SPATA6L: variants seen among roughly 807,000 people sequenced by gnomAD.
The protein encoded by SPATA6L is spermatogenesis associated 6 like, also known as spermatogenesis associated 6-like protein.
In SPATA6L, 68 loss-of-function variants were observed where a neutral mutation model predicts 49.2. The ratio of observed to expected loss-of-function variants is 1.38; its 90% CI spans 1.14 to 1.69. SPATA6L has a LOEUF of 1.69. Ranked by LOEUF, SPATA6L falls within the 40% of genes most tolerant of loss-of-function variation. The pLI, the probability that SPATA6L is intolerant of heterozygous loss-of-function variation, is 0.00. For synonymous variants in SPATA6L, 198 were observed against 165.7 expected (o/e 1.19, Z -1.50); for missense variants, 668 against 464.3 (o/e 1.44, Z -4.03).
In SPATA6L at chr9:4,656,053, C is replaced by G. The variant is rs1409997091; in HGVS notation, c.214G>C (p.Asp72His). The change falls in exon 3 of 12, where the codon GAC becomes CAC. Residue 72 changes from aspartate (D) to histidine (H), a missense_variant. Physicochemically the swap from Asp to His is moderately conservative, Grantham distance 81. Coordinates refer to ENST00000682582, the MANE Select transcript of SPATA6L (RefSeq NM_001353486.2). ...ESAVDPGAVV[D>H]LLEMWDELAY... The stretch of plus-strand genomic sequence containing the variant: ...TCAGAGTACCTACTTTCCAAAAGGT[C>G]TACTACAGCTCCAGGATCTACTGCA... 1 of 1,612,632 alleles carries G rather than the reference C, an allele frequency of 6.2e-7. No homozygotes were observed. The highest frequency in any genetic ancestry group is 1.1e-5 in the South Asian group (1 of 90,826).
chr9:4,638,650 C>G (rs1217633141), intron 3 of SPATA6L, among the ~76,000 whole-genome samples: 1 of 152,192 alleles, frequency 6.6e-6, no homozygotes, highest in South Asian at 2.1e-4. Context: ...CAGACTCTGC[C>G]TCCATCCAGA....
intron 3 of SPATA6L, among the ~76,000 whole-genome samples, chr9:4,654,297 G>A (rs7864427): frequency 1.3e-5 from 2 of 152,166 alleles, no homozygotes; most frequent in African/African-American, 4.8e-5. Flanking sequence ...AAGCTCCTTT[G>A]TCCCCCTCTC....
At chr9:4,595,436 T>C (rs892408409), downstream of SPATA6L, among the ~76,000 whole-genome samples, 5 of 152,136 alleles carry the variant, frequency 3.3e-5, 1 homozygote, top group South Asian at 1.0e-3. Flanking sequence ...TCCCAAACCA[T>C]CCTGCACAAG....
chr9:4,616,609 G>A (rs970510875), intron 9 of SPATA6L, among the ~76,000 whole-genome samples: 2 of 152,144 alleles, frequency 1.3e-5, no homozygotes, highest in Admixed American at 1.3e-4. Flanking sequence ...GTTTTAAACG[G>A]AATTGCGCTC....
At chr9:4,613,227 CA>C (rs910846150) in intron 9 of SPATA6L, among the ~76,000 whole-genome samples, 229 of 129,344 alleles carry the variant, frequency 1.8e-3, no homozygotes, top group Admixed American at 1.5e-3. Flanking sequence ...GATTCTATCT[CA>C]AAAAAAAAAA....
chr9:4,627,621 C>G (rs1830590825), intron 5 of SPATA6L: 1 of 623,730 alleles, frequency 1.6e-6, no homozygotes, highest in Non-Finnish European at 2.4e-6. Flanking sequence ...TTTTAAGTGG[C>G]AACAACATTA....
chr9:4,660,731 C>T (rs146340514), intron 2 of SPATA6L, among the ~76,000 whole-genome samples: 2,054 of 152,274 alleles, frequency 0.013, 44 homozygotes, highest in African/African-American at 0.047. Flanking sequence ...CACATGCACA[C>T]GTATGTTTAT....
intron 9 of SPATA6L, among the ~76,000 whole-genome samples, chr9:4,605,939 G>A (rs1250856636): frequency 2.0e-5 from 3 of 152,218 alleles, no homozygotes; most frequent in African/African-American, 7.2e-5. Context: ...AGTGGGCGCA[G>A]GCCAGTGTGT....
At chr9:4,627,848 G>GGAATCAA (rs555647903) in intron 5 of SPATA6L, 232 of 1,271,304 alleles carry the variant, frequency 1.8e-4, no homozygotes, top group Non-Finnish European at 2.3e-4. Context: ...GCCAAGATTT[G>GGAATCAA]GAATCAACCT....
chr9:4,635,217 G>C (rs1288732409), intron 4 of SPATA6L, 58 bp downstream of exon 4: 1 of 1,447,586 alleles, frequency 6.9e-7, no homozygotes, highest in Non-Finnish European at 9.1e-7. Flanking sequence ...GGAATAAAAC[G>C]TTCAGGTCCC....
chr9:4,607,173 A>G (rs560511923), intron 9 of SPATA6L, among the ~76,000 whole-genome samples: 197 of 152,166 alleles, frequency 1.3e-3, no homozygotes, highest in African/African-American at 1.7e-3. Context: ...TCTGATTGGT[A>G]TACCTGAAAG....
At chr9:4,659,779 T>C (rs567254128) in intron 2 of SPATA6L, among the ~76,000 whole-genome samples, 3 of 152,134 alleles carry the variant, frequency 2.0e-5, no homozygotes, top group Non-Finnish European at 4.4e-5. Flanking sequence ...CTTCAAACTA[T>C]ACTACAAGGC....
chr9:4,652,993 C>T (rs964778887), intron 3 of SPATA6L, among the ~76,000 whole-genome samples: 6 of 152,192 alleles, frequency 3.9e-5, no homozygotes, highest in African/African-American at 1.4e-4. Context: ...TCCTAGCTGG[C>T]TTCTTTGCAG....
At chr9:4,601,311 C>T (rs867607268) in intron 11 of SPATA6L, among the ~76,000 whole-genome samples, 2 of 151,324 alleles carry the variant, frequency 1.3e-5, no homozygotes. Context: ...CGGGATTTCA[C>T]GGCAATTATG....
chr9:4,623,530 T>C (rs993522953), intron 6 of SPATA6L, among the ~76,000 whole-genome samples: 10 of 152,128 alleles, frequency 6.6e-5, no homozygotes, highest in Non-Finnish European at 1.3e-4. Context: ...TTTAATATAT[T>C]GACTTGAATT....
At chr9:4,594,369 C>G (rs1475378426), downstream of SPATA6L, among the ~76,000 whole-genome samples, 1 of 152,162 alleles carries the variant, frequency 6.6e-6, no homozygotes, top group Non-Finnish European at 1.5e-5. Context: ...GCCAGCATGC[C>G]TGGCTAACTT....
downstream of SPATA6L, among the ~76,000 whole-genome samples, chr9:4,595,646 G>C (rs1173308481): frequency 6.6e-6 from 1 of 151,966 alleles, no homozygotes; most frequent in Non-Finnish European, 1.5e-5. Context: ...TCTCTACCTG[G>C]TCTGCCTATT....
At chr9:4,608,886 G>C (rs972131069) in intron 9 of SPATA6L, among the ~76,000 whole-genome samples, 40 of 151,962 alleles carry the variant, frequency 2.6e-4, no homozygotes, top group Non-Finnish European at 5.0e-4. Context: ...CAACAAAATA[G>C]ATAGACCACT....
chr9:4,646,733 A>C (rs1835465930), intron 3 of SPATA6L, among the ~76,000 whole-genome samples: 1 of 152,204 alleles, frequency 6.6e-6, no homozygotes. Context: ...AGAATTATAA[A>C]AAATAGCATT....
Sources: gnomAD v4.1 joint callset for allele counts (sites outside exome capture counted in the v4.1 genomes callset) on GRCh38, gnomAD v4.1.1 for gene constraint, MANE v1.5 for transcripts, NCBI Gene and HGNC (gene_info 2026-07-23, HGNC 2026-07-21) for gene names.